Variants in ASTN2 observed in about 807,000 individuals in gnomAD.
ASTN2 encodes the protein astrotactin 2, also known as astrotactin-2.
Under a neutral mutation model 139.8 loss-of-function variants are expected in ASTN2, and 54 were observed. The observed-to-expected ratio is 0.39, with a 90% CI of 0.31 to 0.48. The LOEUF is 0.48. Among genes scored for constraint, ASTN2 ranks in the 20% least tolerant of loss-of-function variants. The pLI, the probability that ASTN2 is intolerant of heterozygous loss-of-function variation, is 0.95. For synonymous variants in ASTN2, 756 were observed against 719.5 expected, an observed-to-expected ratio of 1.05 and a Z score of -0.81; for missense variants, 1,565 against 1,725.1, an observed-to-expected ratio of 0.91 and a Z score of 1.64.
At chr9:116,872,192 G>C (rs1006118428) in intron 10 of ASTN2, among the ~76,000 whole-genome samples, 4 of 151,568 alleles carry the variant, frequency 2.6e-5, no homozygotes, top group Non-Finnish European at 5.9e-5. Context: ...TTGAACTTCT[G>C]ACCTCAGGTA....
chr9:116,764,504 C>T (rs1829755718), intron 13 of ASTN2, among the ~76,000 whole-genome samples: 1 of 152,278 alleles, frequency 6.6e-6, no homozygotes, highest in African/African-American at 2.4e-5. Context: ...AAAAAACATT[C>T]TGCTTGTTGA....
At chr9:117,033,801 C>G (rs1027764345) in intron 6 of ASTN2, among the ~76,000 whole-genome samples, 71 of 152,102 alleles carry the variant, frequency 4.7e-4, no homozygotes, top group African/African-American at 1.7e-3. Flanking sequence ...TCCCTGAGCC[C>G]CACTTTTCAC....
At chr9:117,176,448 C>T (rs180956202) in intron 3 of ASTN2, among the ~76,000 whole-genome samples, 2 of 152,014 alleles carry the variant, frequency 1.3e-5, no homozygotes, top group African/African-American at 4.8e-5. Flanking sequence ...ATGTATACCA[C>T]AAAATATTTG....
At chr9:117,046,621 C>T (rs4836966) in intron 5 of ASTN2, among the ~76,000 whole-genome samples, 20,237 of 152,194 alleles carry the variant, frequency 0.13, 1,864 homozygotes, top group East Asian at 0.49. Flanking sequence ...GTTGCTCATG[C>T]TGAAATCCTA....
chr9:116,876,972 G>A (rs1476904911), intron 10 of ASTN2, among the ~76,000 whole-genome samples: 1 of 152,156 alleles, frequency 6.6e-6, no homozygotes, highest in Non-Finnish European at 1.5e-5. Flanking sequence ...ACAAACATGT[G>A]CTTTGTCCCT....
intron 4 of ASTN2, among the ~76,000 whole-genome samples, chr9:117,112,479 A>C (rs1015845996): frequency 5.3e-5 from 8 of 152,154 alleles, no homozygotes; most frequent in Admixed American, 5.2e-4. Context: ...GTTCAGAAGT[A>C]TATACAATTG....
chr9:117,029,263 C>T lies in ASTN2; in HGVS notation c.1423+10556G>A, dbSNP rs148659897. 9.9e-3 allele frequency among the ~76,000 whole-genome samples: 1,506 copies of T among 152,198 alleles called. 8 individuals are homozygous for T. The highest frequency in any genetic ancestry group is 0.017 in the Non-Finnish European group (1,127 of 68,010). On this transcript the variant is annotated intron_variant, in intron 6 of 22. Transcript: ENST00000313400. ...AGGACCTGGCACTTAGCAACTCTTCCGTAAACATTTCTAATCATTACCAGT... is the reference window on the plus strand; with the variant it reads ...AGGACCTGGCACTTAGCAACTCTTCTGTAAACATTTCTAATCATTACCAGT...
intron 4 of ASTN2, among the ~76,000 whole-genome samples, chr9:117,106,814 A>C (rs1829117976): frequency 6.6e-6 from 1 of 151,958 alleles, no homozygotes; most frequent in Non-Finnish European, 1.5e-5. Context: ...ATCTATCTAT[A>C]TACCGATACA....
At position 117,134,266 on chromosome 9, in the gene ASTN2, TTA is replaced by T. The variant is rs5900267; in HGVS notation, c.1168+7058_1168+7059del. ...ATTCATGACCAGTTACTAATGAAAA[TTA>T]TATATATATATATATATATATATAT... On this transcript the variant is annotated intron_variant, in intron 4 of 22. Transcript: ENST00000313400. Among the ~76,000 whole-genome samples the T allele has an allele frequency of 7.0e-3, 647 of 92,594 alleles. 9 individuals carry two copies. Among genetic ancestry groups the T allele is most frequent in the Middle Eastern group, 0.019 (3 of 154 alleles). The allele number at this position is 92,594 out of a possible 152,430, so 60.7% of individuals were successfully genotyped here. A position where few individuals can be genotyped will look rare whatever the true frequency, so the allele number is the denominator to read the frequency against.
chr9:116,674,098 T>C (rs1359452839), intron 16 of ASTN2, among the ~76,000 whole-genome samples: 3 of 152,208 alleles, frequency 2.0e-5, no homozygotes, highest in African/African-American at 7.2e-5. Context: ...GGACTAACAT[T>C]AGCCACAGAT....
At chr9:117,214,891 A>G in intron 2 of ASTN2, 149 bp from the exon 3 acceptor site, 1 of 995,684 alleles carries the variant, frequency 1.0e-6, no homozygotes, top group Non-Finnish European at 1.3e-6. Context: ...TTTAAGCTAG[A>G]GAGACATTGT....
intron 5 of ASTN2, among the ~76,000 whole-genome samples, chr9:117,041,964 G>C (rs1043667446): frequency 1.3e-5 from 2 of 151,858 alleles, no homozygotes; most frequent in African/African-American, 4.8e-5. Context: ...CCAAACACTA[G>C]AGTCTAGTAA....
At chr9:116,849,908 G>T (rs1832546930) in intron 11 of ASTN2, among the ~76,000 whole-genome samples, 1 of 152,198 alleles carries the variant, frequency 6.6e-6, no homozygotes, top group African/African-American at 2.4e-5. Flanking sequence ...ATATGCTTCT[G>T]TGGGTATATA....
intron 13 of ASTN2, among the ~76,000 whole-genome samples, chr9:116,769,127 C>G (rs1157771223): frequency 6.6e-6 from 1 of 152,132 alleles, no homozygotes; most frequent in Admixed American, 6.5e-5. Flanking sequence ...GACAAAAATA[C>G]TAAGCCTAAA....
chr9:116,792,076 A>G (rs1354465806), intron 13 of ASTN2, among the ~76,000 whole-genome samples: 3 of 152,214 alleles, frequency 2.0e-5, no homozygotes, highest in African/African-American at 7.2e-5. Context: ...TAAAAAATTA[A>G]AGTGGCTATT....
intron 4 of ASTN2, among the ~76,000 whole-genome samples, chr9:117,101,323 G>A (rs1828971765): frequency 6.6e-6 from 1 of 152,148 alleles, no homozygotes; most frequent in Admixed American, 6.5e-5. Context: ...CCCTCTGTTA[G>A]CATTTTAATA....
chr9:116,521,400 G>A (rs1850866338), intron 19 of ASTN2, among the ~76,000 whole-genome samples: 1 of 152,098 alleles, frequency 6.6e-6, no homozygotes, highest in African/African-American at 2.4e-5. Context: ...GTGGGAAAAG[G>A]ACACCCTATT....
intron 20 of ASTN2, among the ~76,000 whole-genome samples, chr9:116,453,855 G>A (rs1848249392): frequency 6.6e-6 from 1 of 152,164 alleles, no homozygotes; most frequent in South Asian, 2.1e-4. Context: ...GTGAGCTTCA[G>A]TTTCCTCATC....
At chr9:116,713,395 T>A (rs1156825560) in intron 16 of ASTN2, among the ~76,000 whole-genome samples, 1 of 152,086 alleles carries the variant, frequency 6.6e-6, no homozygotes, top group Non-Finnish European at 1.5e-5. Flanking sequence ...GGCCAGCTCC[T>A]ACCCAATGTA....
Sources: allele counts gnomAD v4.1 joint callset (sites outside exome capture counted in the v4.1 genomes callset), GRCh38; gene constraint gnomAD v4.1.1; transcripts MANE v1.5; gene names NCBI Gene and HGNC (gene_info 2026-07-23, HGNC 2026-07-21).